Variants in CUL7 observed in about 807,000 individuals in gnomAD.
CUL7 encodes cullin 7, also known as cullin-7.
In CUL7, 96 loss-of-function variants were observed where a neutral mutation model predicts 177.7. The ratio of observed to expected loss-of-function variants is 0.54; its 90% CI spans 0.46 to 0.64. The LOEUF (loss-of-function observed/expected upper bound fraction) is 0.64, where lower values mean the gene tolerates loss of function less well. CUL7 is among the 30% of genes least tolerant of loss of function. The probability of loss-of-function intolerance (pLI) is 0.00; values close to 1 mark genes in which losing one functional copy is unlikely to be tolerated. For synonymous variants in CUL7, 824 were observed against 890.2 expected, an observed-to-expected ratio of 0.93 and a Z score of 1.32; for missense variants, 1,893 against 2,187.9, an observed-to-expected ratio of 0.87 and a Z score of 2.69.
At chr6:43,049,711 G>A (rs772450920) in intron 6 of CUL7, 49 bp from the exon 7 acceptor site, 1 of 1,609,854 alleles carries the variant, frequency 6.2e-7, no homozygotes. Flanking sequence ...CCGACCCAGA[G>A]GCCCCAGGGA....
Position 43,048,202 on chromosome 6 carries a change from G to T in CUL7, c.2115C>A (p.His705Gln). Residue 705 changes from histidine (H) to glutamine (Q), a missense_variant, in exon 9 of 26, where the codon CAC becomes CAA. Physicochemically the swap from His to Gln is conservative, Grantham distance 24 (BLOSUM62 0). Around this residue, in one of 5 missense-constraint regions of CUL7, gnomAD observed 973 missense variants for 1,140.9 expected, o/e 0.85. Transcript: ENST00000265348. Reference sequence around the variant, plus strand: ...AGGCCATGCAGGCATCCACGGCCTCGTGCCAGGGGAGCAGCAGTGCCTCGG... The same window carrying T: ...AGGCCATGCAGGCATCCACGGCCTCTTGCCAGGGGAGCAGCAGTGCCTCGG... ...DFPEALLLPW[H>Q]EAVDACMACL... The T allele has an allele frequency of 6.2e-7, 1 of 1,614,104 alleles. No homozygotes were observed. The highest frequency in any genetic ancestry group is 1.3e-5 in the African/African-American group (1 of 75,036).
In CUL7 at chr6:43,048,263, G is replaced by A. The variant is rs968252500; in HGVS notation, c.2064-10C>T. On this transcript the variant is annotated splice_polypyrimidine_tract_variant and intron_variant, in intron 8 of 25. Coordinates refer to ENST00000265348, the MANE Select transcript of CUL7 (RefSeq NM_014780.5). ...CAGCTGCTTCAGGATTCTGGGGGCA[G>A]AGAAATGTGTAGCCAGCCTCATGGA... 2.5e-6 allele frequency: 4 copies of A among 1,608,934 alleles called. No homozygotes were observed. The highest frequency in any genetic ancestry group is 1.1e-5 in the South Asian group (1 of 91,010).
rs759221102 is a variant in CUL7, at chr6:43,051,336, T to C, written c.865A>G (p.Arg289Gly). Residue 289 changes from arginine to glycine, a missense_variant, in exon 4 of 26, where the codon AGG (arginine) becomes GGG (glycine). Around this residue, in one of 5 missense-constraint regions of CUL7, gnomAD observed 653 missense variants for 725.2 expected, o/e 0.90. Transcript: ENST00000265348. This position sits in a 1 kb window ranked among gnomAD's most constrained non-coding sequence, Gnocchi z 5.0. Reference protein sequence around the residue: ...TSAPEELSGERGQLELEFSMA... With the variant: ...TSAPEELSGEGGQLELEFSMA... The stretch of plus-strand genomic sequence containing the variant: ...CTGAACTCCAGCTCCAGTTGACCCC[T>C]CTCCCCACTCAACTCCTCAGGAGCA... 4.3e-6 allele frequency: 7 copies of C among 1,611,434 alleles called. No homozygotes were observed. Among genetic ancestry groups the C allele is most frequent in the Admixed American group, 3.3e-5 (2 of 59,844 alleles).
rs1223016960 is a variant in CUL7, at chr6:43,043,391, T to C, written c.3355+57A>G. The C allele has an allele frequency of 6.5e-7, 1 of 1,544,298 alleles. No individual in the cohort carries two copies. Among genetic ancestry groups the C allele is most frequent in the African/African-American group, 1.4e-5 (1 of 73,358 alleles). Reference sequence around the variant, plus strand: ...TGGACAGAAGCCTGTGGTGTACACATGGGGCCCAGGAAAACGCTCCTGACT... The same window carrying C: ...TGGACAGAAGCCTGTGGTGTACACACGGGGCCCAGGAAAACGCTCCTGACT... On this transcript the variant is annotated intron_variant, in intron 17 of 25. Coordinates refer to ENST00000265348, the MANE Select transcript of CUL7 (RefSeq NM_014780.5). The surrounding 1 kb of genome is among the most constrained non-coding windows in gnomAD (Gnocchi z 4.2).
rs765870874 is a variant in CUL7, at chr6:43,046,235, C to G, written c.2660+1G>C. 1.2e-6 allele frequency: 2 copies of G among 1,614,204 alleles called. No homozygotes were observed. The highest frequency in any genetic ancestry group is 3.3e-5 in the Admixed American group (2 of 60,030). On this transcript the variant is annotated splice_donor_variant, in intron 12 of 25. Coordinates refer to ENST00000265348, the MANE Select transcript of CUL7 (RefSeq NM_014780.5). LOFTEE classifies it high-confidence loss of function. ...GCAAAGCACATGTGTGGGAGAGTTA[C>G]CTGATGAGGATGCCCCGGCGCATGT...
Position 43,053,592 on chromosome 6 carries a change from A to T in CUL7, c.-9+30T>A. ...ATGGGCTAGTGGGCAGGGAAGGAGA[A>T]GCAAGGGGCCGCGGTGGGGCTCTGG... On this transcript the variant is annotated intron_variant, in intron 1 of 25. Coordinates refer to ENST00000265348, the MANE Select transcript of CUL7 (RefSeq NM_014780.5). This position sits in a 1 kb window ranked among gnomAD's most constrained non-coding sequence, Gnocchi z 4.1. 2 of 1,324,420 alleles carry T rather than the reference A, an allele frequency of 1.5e-6. No individual in the cohort carries two copies. Among genetic ancestry groups the T allele is most frequent in the Non-Finnish European group, 1.9e-6 (2 of 1,031,876 alleles). The allele number at this position is 1,324,420 out of a possible 1,614,324, so 82.0% of individuals were successfully genotyped here. A position where few individuals can be genotyped will look rare whatever the true frequency, so the allele number is the denominator to read the frequency against.
At position 43,038,450 on chromosome 6, in the gene CUL7, G is replaced by A. The variant is rs1763137855; in HGVS notation, c.4590C>T (p.Gly1530=). The A allele has an allele frequency of 6.2e-7, 1 of 1,614,176 alleles. No homozygotes were observed. Residue 1530 remains glycine (G), a synonymous_variant, in exon 25 of 26, where the codon GGC becomes GGT. Transcript: ENST00000265348. ...CCCATCTCGACCTGGGTTCCTTGCTGCCATCTCGAATCTTGAGGACCCCTG... is the reference window on the plus strand; with the variant it reads ...CCCATCTCGACCTGGGTTCCTTGCTACCATCTCGAATCTTGAGGACCCCTG... ...IPGGVLKIRD[G]SKEPRSRWDI... is the part of the protein sequence containing the mutation.
In CUL7 at chr6:43,043,736, C is replaced by T. The variant is rs142565707; in HGVS notation, c.3173-106G>A. ...GATAGAGCAACTGGACGGAATGATA[C>T]AAGGAAGGGGGGCCAGGTAGGGTGG... On this transcript the variant is annotated intron_variant, in intron 16 of 25. Transcript: ENST00000265348. The surrounding 1 kb of genome is among the most constrained non-coding windows in gnomAD (Gnocchi z 4.2). 488 of 792,452 alleles carry T rather than the reference C, an allele frequency of 6.2e-4. 5 individuals carry two copies. The African/African-American group carries it at 7.5e-3, about 12-fold the overall frequency. 49.1% of individuals were successfully genotyped at this position (792,452 alleles called of 1,614,324 possible). A position where few individuals can be genotyped will look rare whatever the true frequency, so the allele number is the denominator to read the frequency against.
At chr6:43,044,689 A>G in intron 16 of CUL7, 63 bp downstream of exon 16, 1 of 1,573,408 alleles carries the variant, frequency 6.4e-7, no homozygotes, top group Non-Finnish European at 8.7e-7. Context: ...GTAGAGCAAG[A>G]AGGAACTAAT....
intron 6 of CUL7, 41 bp from the exon 7 acceptor site, chr6:43,049,703 G>T: frequency 1.2e-6 from 2 of 1,611,204 alleles, no homozygotes; most frequent in South Asian, 2.2e-5. Context: ...CAGCCCTGCC[G>T]ACCCAGAGGC....
At chr6:43,044,924 G>C in intron 15 of CUL7, 39 bp from the exon 16 acceptor site, 7 of 1,605,246 alleles carry the variant, frequency 4.4e-6, no homozygotes, top group Non-Finnish European at 5.1e-6. Flanking sequence ...TCAGGGGCTT[G>C]AAGCATATGT....
In CUL7 at chr6:43,043,758, G is replaced by A; in HGVS notation, c.3173-128C>T. The A allele has an allele frequency of 1.4e-6, 1 of 733,512 alleles. No homozygotes were observed. The highest frequency in any genetic ancestry group is 2.5e-6 in the Non-Finnish European group (1 of 405,634). The allele number at this position is 733,512 out of a possible 1,614,324, so 45.4% of individuals were successfully genotyped here. ...ATACAAGGAAGGGGGGCCAGGTAGG[G>A]TGGTTTACGCCTGTAATCCCAGCAC... On this transcript the variant is annotated intron_variant, in intron 16 of 25. Transcript: ENST00000265348. The surrounding 1 kb of genome is among the most constrained non-coding windows in gnomAD (Gnocchi z 4.2).
At chr6:43,038,750 T>TGGAGGGAAGAAGC in intron 23 of CUL7, 58 bp from the exon 24 acceptor site, 5 of 1,611,404 alleles carry the variant, frequency 3.1e-6, no homozygotes, top group Non-Finnish European at 4.2e-6. Flanking sequence ...GAGAAGAGGA[T>TGGAGGGAAGAAGC]GGAGGGAAGA....
Position 43,043,340 on chromosome 6 carries a change from G to A in CUL7, c.3355+108C>T, listed in dbSNP as rs1763614530. On this transcript the variant is annotated intron_variant, in intron 17 of 25. Transcript: ENST00000265348. This position sits in a 1 kb window ranked among gnomAD's most constrained non-coding sequence, Gnocchi z 4.2. ...CAAACCTGGAAGATGAACAGGCTGA[G>A]CCCATAGGGAGGGGAAGGATGGGGA... The A allele has an allele frequency of 2.4e-6, 3 of 1,265,814 alleles. No individual in the cohort carries two copies. The highest frequency in any genetic ancestry group is 1.8e-5 in the Admixed American group (1 of 56,024). The allele number at this position is 1,265,814 out of a possible 1,614,324, so 78.4% of individuals were successfully genotyped here.
chr6:43,052,382 G>C lies in CUL7; in HGVS notation c.407C>G (p.Pro136Arg), dbSNP rs781450320. The C allele has an allele frequency of 9.3e-6, 15 of 1,614,134 alleles. No homozygotes were observed. The highest frequency in any genetic ancestry group is 1.2e-5 in the Non-Finnish European group (14 of 1,180,060). Residue 136 changes from proline to arginine, a missense_variant, in exon 2 of 26, where the codon CCT (proline) becomes CGT (arginine). Pro to Arg is a moderately radical substitution (Grantham distance 103). Around this residue, in one of 5 missense-constraint regions of CUL7, gnomAD observed 653 missense variants for 725.2 expected, o/e 0.90. Transcript: ENST00000265348. This position sits in a 1 kb window ranked among gnomAD's most constrained non-coding sequence, Gnocchi z 4.5. ...EECVGTIPPAPLLHTVHVLSA... is the reference protein window; with the variant it reads ...EECVGTIPPARLLHTVHVLSA... Reference sequence around the variant, plus strand: ...GAGCACGTGGACAGTGTGAAGTAGAGGAGCAGGAGGGATAGTGCCCACACA... The same window carrying C: ...GAGCACGTGGACAGTGTGAAGTAGACGAGCAGGAGGGATAGTGCCCACACA...
Position 43,050,085 on chromosome 6 carries a change from T to C in CUL7, c.1447A>G (p.Thr483Ala), listed in dbSNP as rs1270955476. 1 of 1,614,200 alleles carries C rather than the reference T, an allele frequency of 6.2e-7. No homozygotes were observed. The highest frequency in any genetic ancestry group is 1.7e-5 in the Admixed American group (1 of 60,022). ...VPYVLPEDED[T>A]EECEHLTLAE... ...AGGGTCAGGTGTTCACACTCCTCAG[T>C]GTCCTCATCCTCAGGCAGCACATAA... Residue 483 changes from threonine (T) to alanine (A), a missense_variant, in exon 6 of 26, where the codon ACT becomes GCT. Thr to Ala is a moderately conservative substitution (Grantham distance 58). Transcript: ENST00000265348. The surrounding 1 kb of genome is among the most constrained non-coding windows in gnomAD (Gnocchi z 4.1).
Position 43,051,845 on chromosome 6 carries a change from A to C in CUL7, c.581-82T>G. 2 of 1,536,476 alleles carry C rather than the reference A, an allele frequency of 1.3e-6. No individual in the cohort carries two copies. Among genetic ancestry groups the C allele is most frequent in the South Asian group, 1.1e-5 (1 of 88,776 alleles). ...TTAGACCCTCTACTCTTTCAATCCA[A>C]TCCTTTTGCCACCACACAATGAGAA... On this transcript the variant is annotated intron_variant, in intron 2 of 25. Transcript: ENST00000265348. The surrounding 1 kb of genome is among the most constrained non-coding windows in gnomAD (Gnocchi z 5.0).
intron 7 of CUL7, 34 bp downstream of exon 7, chr6:43,049,373 G>GTGTGTCAGCTCAGCTGC: frequency 1.2e-6 from 2 of 1,613,908 alleles, no homozygotes; most frequent in Non-Finnish European, 1.7e-6. Flanking sequence ...TGCCCTGAAG[G>GTGTGTCAGCTCAGCTGC]TGTGTCAGCT....
chr6:43,048,034 C>T (rs1231453979), intron 9 of CUL7, 114 bp downstream of exon 9: 5 of 671,494 alleles, frequency 7.4e-6, no homozygotes, highest in South Asian at 4.9e-5. Context: ...AAAACTCAAA[C>T]CAAGAGCTCA....
Sources: allele counts gnomAD v4.1 joint callset, GRCh38; gene constraint gnomAD v4.1.1; regional missense constraint gnomAD v4.1.1; non-coding constraint Gnocchi (gnomAD v3.1); transcripts MANE v1.5; gene names NCBI Gene and HGNC (gene_info 2026-07-23, HGNC 2026-07-21).